The following NEDD4 variants were observed in gnomAD, a reference collection of about 807,000 sequenced individuals.
NEDD4 encodes the protein E3 ubiquitin-protein ligase NEDD4.
In NEDD4, 99 loss-of-function variants were observed where a neutral mutation model predicts 144.9. The ratio of observed to expected loss-of-function variants is 0.68; its 90% confidence interval spans 0.58 to 0.81. The LOEUF (loss-of-function observed/expected upper bound fraction) is 0.81, where lower values mean the gene tolerates loss of function less well. Ranked by LOEUF, NEDD4 falls within the 30% of genes least tolerant of loss-of-function variation. The pLI, the probability that NEDD4 is intolerant of heterozygous loss-of-function variation, is 0.00. For missense variants in NEDD4, 985 were observed against 1,065.9 expected, an observed-to-expected ratio of 0.92 and a Z score of 1.06; for synonymous variants, 318 against 350.6, an observed-to-expected ratio of 0.91 and a Z score of 1.04.
chr15:55,936,142 G>T (rs1036392952), intron 4 of NEDD4, among the ~76,000 whole-genome samples: 1 of 152,098 alleles, frequency 6.6e-6, no homozygotes, highest in Non-Finnish European at 1.5e-5. Context: ...TGTCAGAGGG[G>T]TCCCTCCTAA....
rs1595764314 is a variant in NEDD4 at position 55,862,963 on chromosome 15, A to G, written c.624T>C (p.Tyr208=). The G allele has an allele frequency of 6.2e-7, 1 of 1,610,176 alleles. No individual in the cohort carries two copies. The change falls in exon 9 of 29, where the codon TAT becomes TAC. Residue 208 remains tyrosine, a synonymous_variant. Transcript: ENST00000435532. ...EERQDILGRT[Y]YVNHESRRTQ... ...TTCTTCTAGATTCATGGTTTACATA[A>G]TAGGTCCTTCCAAGGATATCCTGCC...
At chr15:55,832,644 G>C (rs2033009390) in intron 27 of NEDD4, among the ~76,000 whole-genome samples, 1 of 152,118 alleles carries the variant, frequency 6.6e-6, no homozygotes, top group Non-Finnish European at 1.5e-5. Flanking sequence ...TTGAACTCCT[G>C]ACCTCAAGTG....
chr15:55,868,948 T>C (rs1399822183), intron 8 of NEDD4, among the ~76,000 whole-genome samples: 1 of 151,996 alleles, frequency 6.6e-6, no homozygotes, highest in African/African-American at 2.4e-5. Context: ...CTAGACAGAG[T>C]GTGCAACTAG....
At chr15:55,876,115 G>A (rs548084361) in intron 5 of NEDD4, among the ~76,000 whole-genome samples, 1 of 152,274 alleles carries the variant, frequency 6.6e-6, no homozygotes, top group East Asian at 1.9e-4. Context: ...TATAAGTGCT[G>A]AAATGGAAAA....
chr15:55,877,215 A>G (rs1307380229), intron 5 of NEDD4, among the ~76,000 whole-genome samples: 1 of 152,170 alleles, frequency 6.6e-6, no homozygotes, highest in Non-Finnish European at 1.5e-5. Flanking sequence ...GGTCCAATTC[A>G]GACTCATATA....
chr15:55,905,329 C>T (rs968503812), intron 5 of NEDD4: 2 of 453,416 alleles, frequency 4.4e-6, no homozygotes, highest in African/African-American at 2.0e-5. Context: ...TCTGGAGAAA[C>T]AAATTGACCT....
intron 21 of NEDD4, among the ~76,000 whole-genome samples, chr15:55,840,041 TA>T (rs373519434): frequency 1.4e-5 from 1 of 70,458 alleles, no homozygotes; most frequent in African/African-American, 5.2e-5. Flanking sequence ...TATATATATA[TA>T]ACATTCATCA....
At chr15:55,927,813 C>A (rs2036703596) in intron 4 of NEDD4, among the ~76,000 whole-genome samples, 1 of 152,110 alleles carries the variant, frequency 6.6e-6, no homozygotes, top group East Asian at 1.9e-4. Context: ...AGGGAGTCAG[C>A]AGAGCTTTGC....
chr15:55,881,655 C>CT (rs1193433471), intron 5 of NEDD4, among the ~76,000 whole-genome samples: 1 of 151,168 alleles, frequency 6.6e-6, no homozygotes, highest in African/African-American at 2.4e-5. Context: ...ACAAAAACAA[C>CT]TTTTTTTTTG....
intron 12 of NEDD4, among the ~76,000 whole-genome samples, 200 bp from the exon 13 acceptor site, chr15:55,852,743 T>TGA (rs150677409): frequency 0.088 from 12,261 of 139,254 alleles, 545 homozygotes; most frequent in Non-Finnish European, 0.1. Flanking sequence ...TCTGAGAGAG[T>TGA]GAGAGAGAGA....
chr15:55,946,092 T>C (rs2037107856), intron 4 of NEDD4, among the ~76,000 whole-genome samples: 1 of 152,142 alleles, frequency 6.6e-6, no homozygotes, highest in South Asian at 2.1e-4. Context: ...AGAAACTCCA[T>C]CAATTAACGA....
chr15:55,874,794 T>A (rs796795622), intron 5 of NEDD4, among the ~76,000 whole-genome samples: 18 of 152,206 alleles, frequency 1.2e-4, no homozygotes, highest in African/African-American at 4.3e-4. Flanking sequence ...ACCAACACGG[T>A]GAAACCTCAT....
chr15:55,883,111 C>T (rs1715771547), intron 5 of NEDD4, among the ~76,000 whole-genome samples: 1 of 152,176 alleles, frequency 6.6e-6, no homozygotes, highest in Admixed American at 6.5e-5. Context: ...AGGCTCAGTT[C>T]TTGGATGGCA....
chr15:55,871,816 G>T (rs1320852109), intron 7 of NEDD4, among the ~76,000 whole-genome samples: 1 of 152,116 alleles, frequency 6.6e-6, no homozygotes, highest in African/African-American at 2.4e-5. Context: ...CTTTTTGACA[G>T]TAAATCCACA....
chr15:55,841,248 T>C (rs760158990), intron 19 of NEDD4, among the ~76,000 whole-genome samples: 2 of 152,120 alleles, frequency 1.3e-5, no homozygotes, highest in Non-Finnish European at 2.9e-5. Context: ...AAGCATTATA[T>C]GCAAAAATAA....
intron 5 of NEDD4, chr15:55,916,331 A>G: frequency 6.2e-7 from 1 of 1,614,014 alleles, no homozygotes; most frequent in Non-Finnish European, 8.5e-7. Context: ...ACCCAAAATC[A>G]CTACCGTTGC....
Position 55,866,212 on chromosome 15 carries a change from C to T in NEDD4, c.508-3133G>A, listed in dbSNP as rs142716772. On this transcript the variant is annotated intron_variant, in intron 8 of 28. Transcript: ENST00000435532. Reference sequence around the variant, plus strand: ...TACCAGCGTGAGCCACTGTGCCCAACCTTTCTTCTTTTTTTTTTTAAATTT... The same window carrying T: ...TACCAGCGTGAGCCACTGTGCCCAATCTTTCTTCTTTTTTTTTTTAAATTT... Among the ~76,000 whole-genome samples the T allele has an allele frequency of 2.0e-5, 3 of 151,124 alleles. No individual in the cohort carries two copies. The East Asian group carries it at 5.8e-4, about 29-fold the overall frequency.
chr15:55,872,904 C>A (rs2034854063), intron 6 of NEDD4, among the ~76,000 whole-genome samples: 1 of 150,430 alleles, frequency 6.6e-6, no homozygotes, highest in Admixed American at 6.6e-5. Context: ...AGCTTATGGT[C>A]CTGCACCCTG....
chr15:55,910,399 A>G (rs1428077819), intron 5 of NEDD4, among the ~76,000 whole-genome samples: 1 of 148,978 alleles, frequency 6.7e-6, no homozygotes, highest in Admixed American at 6.7e-5. Flanking sequence ...TCCTTCCCTC[A>G]CCTTTCACCC....
Sources: allele counts gnomAD v4.1 joint callset (sites outside exome capture counted in the v4.1 genomes callset), GRCh38; gene constraint gnomAD v4.1.1; transcripts MANE v1.5; gene names NCBI Gene and HGNC (gene_info 2026-07-23, HGNC 2026-07-21).